The following CDKAL1 variants were observed in gnomAD, a reference collection of about 807,000 sequenced individuals.
CDKAL1 encodes the protein threonylcarbamoyladenosine tRNA methylthiotransferase.
CDKAL1 carries 32 observed loss-of-function variants against 68.2 expected under a neutral mutation model. That is an observed-to-expected ratio of 0.47 (90% CI 0.35 to 0.63). The LOEUF is 0.63. Ranked by LOEUF, CDKAL1 falls within the 30% of genes least tolerant of loss-of-function variation. The probability of loss-of-function intolerance (pLI) is 0.00; values close to 1 mark genes in which losing one functional copy is unlikely to be tolerated. For synonymous variants in CDKAL1, 234 were observed against 244.3 expected, an observed-to-expected ratio of 0.96 and a Z score of 0.39; for missense variants, 606 against 696.7, an observed-to-expected ratio of 0.87 and a Z score of 1.47.
chr6:20,811,714 CT>C (rs1262111028), intron 8 of CDKAL1, among the ~76,000 whole-genome samples: 3 of 149,274 alleles, frequency 2.0e-5, no homozygotes, highest in African/African-American at 7.4e-5. Context: ...CTTACTTTTG[CT>C]AATCTGCGGG....
Position 21,069,770 on chromosome 6 carries a change from C to CTTTT in CDKAL1, c.1236+4545_1236+4546insTTTT, listed in dbSNP as rs1771654458. Among the ~76,000 whole-genome samples the CTTTT allele has an allele frequency of 7.3e-4, 31 of 42,274 alleles. 8 individuals are homozygous for CTTTT. Among genetic ancestry groups the CTTTT allele is most frequent in the East Asian group, 5.6e-3 (2 of 360 alleles). The allele number at this position is 42,274 out of a possible 152,430, so 27.7% of individuals were successfully genotyped here. On this transcript the variant is annotated intron_variant, in intron 12 of 15. Transcript: ENST00000274695. ...TGCCCAATAAAATCCCCCAGATTTT[C>CTTTT]TTTCTTTTTTTTTTTTTTTTTTTTT... is the stretch of plus-strand genomic sequence containing the variant.
At chr6:20,784,681 C>G (rs1775593909) in intron 8 of CDKAL1, among the ~76,000 whole-genome samples, 1 of 151,710 alleles carries the variant, frequency 6.6e-6, no homozygotes, top group East Asian at 1.9e-4. Flanking sequence ...CCTCGGTCTC[C>G]CAAAGTGCTG....
At chr6:20,691,868 C>A (rs772124809) in intron 5 of CDKAL1, among the ~76,000 whole-genome samples, 46 of 152,058 alleles carry the variant, frequency 3.0e-4, no homozygotes, top group Middle Eastern at 3.4e-3. Context: ...ATTTCCCATT[C>A]TTTTTCATTT....
At chr6:20,723,862 A>G (rs1772507638) in intron 5 of CDKAL1, among the ~76,000 whole-genome samples, 1 of 152,154 alleles carries the variant, frequency 6.6e-6, no homozygotes, top group Non-Finnish European at 1.5e-5. Context: ...GTGACTATGT[A>G]AATTTGCTAA....
intron 13 of CDKAL1, among the ~76,000 whole-genome samples, chr6:21,172,001 C>G (rs1377220136): frequency 6.6e-6 from 1 of 152,112 alleles, no homozygotes; most frequent in South Asian, 2.1e-4. Context: ...GTGACTCATT[C>G]GAGAATCTCA....
intron 9 of CDKAL1, among the ~76,000 whole-genome samples, chr6:20,895,502 A>G (rs1051665753): frequency 1.1e-4 from 16 of 152,334 alleles, no homozygotes; most frequent in African/African-American, 3.8e-4. Flanking sequence ...TCATTTTTAG[A>G]ATTCAGAATC....
At chr6:20,976,624 C>A (rs1765859415) in intron 10 of CDKAL1, among the ~76,000 whole-genome samples, 1 of 152,160 alleles carries the variant, frequency 6.6e-6, no homozygotes, top group South Asian at 2.1e-4. Flanking sequence ...AGAAATAGAG[C>A]ATTTCTAGAA....
At chr6:21,170,440 C>T (rs566015531) in intron 13 of CDKAL1, among the ~76,000 whole-genome samples, 1 of 152,178 alleles carries the variant, frequency 6.6e-6, no homozygotes, top group East Asian at 1.9e-4. Context: ...AGTGATTCTC[C>T]TGCCTTAGCC....
chr6:20,731,588 A>G (rs112092796), intron 5 of CDKAL1, among the ~76,000 whole-genome samples: 2 of 152,198 alleles, frequency 1.3e-5, no homozygotes, highest in African/African-American at 4.8e-5. Context: ...TACGGCCTTT[A>G]GTACTTTAGA....
intron 5 of CDKAL1, among the ~76,000 whole-genome samples, chr6:20,662,746 T>C (rs1488942465): frequency 2.0e-5 from 3 of 152,170 alleles, no homozygotes; most frequent in African/African-American, 7.2e-5. Flanking sequence ...ATGTTTATCT[T>C]TCCCATCCCT....
Position 20,769,700 on chromosome 6 carries a change from G to A in CDKAL1, c.517+11057G>A, listed in dbSNP as rs116211224. On this transcript the variant is annotated intron_variant, in intron 7 of 15. Coordinates refer to ENST00000274695, the MANE Select transcript of CDKAL1 (RefSeq NM_017774.3). The stretch of plus-strand genomic sequence containing the variant: ...ATCTTGCTTTTGAGAAACGTCATTA[G>A]CGCTGTATGTTTTGATAGGAGTACA... Among the ~76,000 whole-genome samples, 601 of 152,256 alleles carry A rather than the reference G, an allele frequency of 3.9e-3. 7 individuals carry two copies. The highest frequency in any genetic ancestry group is 0.013 in the African/African-American group (549 of 41,532).
intron 4 of CDKAL1, among the ~76,000 whole-genome samples, chr6:20,552,060 G>A (rs1433412574): frequency 6.6e-6 from 1 of 151,768 alleles, no homozygotes; most frequent in Non-Finnish European, 1.5e-5. Flanking sequence ...AAAAGGCTGG[G>A]TGTGTTGGCT....
chr6:20,759,417 A>G (rs1249953604), intron 7 of CDKAL1, among the ~76,000 whole-genome samples: 2 of 151,958 alleles, frequency 1.3e-5, no homozygotes, highest in African/African-American at 4.8e-5. Context: ...TGGGGTGCTC[A>G]TGTAGACCCA....
intron 9 of CDKAL1, among the ~76,000 whole-genome samples, chr6:20,901,588 G>A (rs1425138345): frequency 6.8e-6 from 1 of 148,098 alleles, no homozygotes; most frequent in Non-Finnish European, 1.5e-5. Context: ...GACTGAGGCA[G>A]GAGAATGGTG....
chr6:21,026,926 CTCT>C (rs935406750), intron 11 of CDKAL1, among the ~76,000 whole-genome samples: 42 of 152,248 alleles, frequency 2.8e-4, no homozygotes, highest in African/African-American at 9.6e-4. Context: ...CTTGTATTCT[CTCT>C]TCTTCTTCCT....
intron 9 of CDKAL1, among the ~76,000 whole-genome samples, chr6:20,848,528 G>A (rs34367682): frequency 6.6e-6 from 1 of 152,134 alleles, no homozygotes; most frequent in East Asian, 1.9e-4. Flanking sequence ...GGTTGGACTA[G>A]TTAAGGCGAG....
At chr6:20,910,899 A>T (rs1762440176) in intron 9 of CDKAL1, among the ~76,000 whole-genome samples, 1 of 152,224 alleles carries the variant, frequency 6.6e-6, no homozygotes, top group Non-Finnish European at 1.5e-5. Context: ...TCTACTGGTT[A>T]AGGAACCCCA....
Position 21,232,003 on chromosome 6 carries a change from G to GTTTTTTTTTTTTTTTTTT in CDKAL1, c.*969_*970insTTTTTTTTTTTTTTTTTT, listed in dbSNP as rs71530402. ...TTTGATCCATTGGGGTTTTTTTTTT[G>GTTTTTTTTTTTTTTTTTT]TTTTTGTTTTTTTTTTTTTTTGAGT... On this transcript the variant is annotated 3_prime_UTR_variant, in exon 16 of 16. Coordinates refer to ENST00000274695, the MANE Select transcript of CDKAL1 (RefSeq NM_017774.3). 4 of 76,084 alleles carry GTTTTTTTTTTTTTTTTTT rather than the reference G, an allele frequency of 5.3e-5. No homozygotes were observed. The highest frequency in any genetic ancestry group is 4.4e-4 in the South Asian group (1 of 2,274). 4.7% of individuals were successfully genotyped at this position (76,084 alleles called of 1,614,324 possible).
intron 9 of CDKAL1, among the ~76,000 whole-genome samples, chr6:20,874,609 G>GGTTC (rs1193800154): frequency 6.6e-6 from 1 of 152,074 alleles, no homozygotes; most frequent in Non-Finnish European, 1.5e-5. Context: ...TCCGCCTCCA[G>GGTTC]GTTCAAGCGA....
Sources: gnomAD v4.1 joint callset for allele counts (sites outside exome capture counted in the v4.1 genomes callset) on GRCh38, gnomAD v4.1.1 for gene constraint, MANE v1.5 for transcripts, NCBI Gene and HGNC (gene_info 2026-07-23, HGNC 2026-07-21) for gene names.